The following AKR1C8 variants were observed in gnomAD, a reference collection of about 807,000 sequenced individuals.
The protein encoded by AKR1C8 is aldo-keto reductase family 1 member C8.
the AKR1C8 span, chr10:5,155,813 G>A: frequency 2.3e-6 from 1 of 437,744 alleles, no homozygotes; most frequent in Non-Finnish European, 4.7e-6. Flanking sequence ...GCTTCTACAT[G>A]GGAATACAAG....
the AKR1C8 span, among the ~76,000 whole-genome samples, chr10:5,139,049 T>A: frequency 3.3e-5 from 5 of 152,100 alleles, no homozygotes; most frequent in African/African-American, 4.8e-5. Context: ...TGAACTCCCA[T>A]TCACAATTGC....
the AKR1C8 span, among the ~76,000 whole-genome samples, chr10:5,167,746 T>G: frequency 9.9e-5 from 15 of 151,326 alleles, no homozygotes; most frequent in Admixed American, 9.2e-4. Context: ...AACCTGCACA[T>G]TGTGCACATG....
chr10:5,140,142 A>C, the AKR1C8 span, among the ~76,000 whole-genome samples: 1 of 152,198 alleles, frequency 6.6e-6, no homozygotes, highest in Non-Finnish European at 1.5e-5. Flanking sequence ...AAAAGTCAGG[A>C]AACAACAGAT....
the AKR1C8 span, among the ~76,000 whole-genome samples, chr10:5,151,405 T>C: frequency 6.6e-6 from 1 of 152,144 alleles, no homozygotes; most frequent in East Asian, 1.9e-4. Flanking sequence ...ACAAACTAAG[T>C]TCCCCCAAAA....
the AKR1C8 span, among the ~76,000 whole-genome samples, chr10:5,131,900 T>G: frequency 2.0e-5 from 3 of 152,154 alleles, no homozygotes; most frequent in Non-Finnish European, 4.4e-5. Flanking sequence ...TGTATAGCAG[T>G]GCAATTCACA....
the AKR1C8 span, chr10:5,132,802 T>C: frequency 3.2e-6 from 3 of 945,338 alleles, no homozygotes; most frequent in Non-Finnish European, 4.7e-6. Context: ...TATTTGGTGA[T>C]CAATGTGCTC....
the AKR1C8 span, among the ~76,000 whole-genome samples, chr10:5,170,677 G>A: frequency 0.061 from 9,295 of 152,112 alleles, 341 homozygotes; most frequent in Middle Eastern, 0.085. Context: ...GGACTCTGTA[G>A]ACAAAATATG....
At chr10:5,164,119 G>GT in the AKR1C8 span, among the ~76,000 whole-genome samples, 9 of 152,220 alleles carry the variant, frequency 5.9e-5, no homozygotes, top group African/African-American at 2.2e-4. Context: ...AAGGTCCTTG[G>GT]TCAAGCTTTT....
At chr10:5,158,640 C>G in the AKR1C8 span, 6 of 484,806 alleles carry the variant, frequency 1.2e-5, no homozygotes, top group Non-Finnish European at 2.6e-5. Context: ...CTGTAGGCAA[C>G]TAGAACAATG....
chr10:5,178,582 T>A, the AKR1C8 span, among the ~76,000 whole-genome samples: 1 of 152,222 alleles, frequency 6.6e-6, no homozygotes, highest in Non-Finnish European at 1.5e-5. Context: ...CAGTGGGGTG[T>A]TAAAGTCTCC....
At chr10:5,183,552 C>T in the AKR1C8 span, among the ~76,000 whole-genome samples, 1 of 152,040 alleles carries the variant, frequency 6.6e-6, no homozygotes, top group Non-Finnish European at 1.5e-5. Flanking sequence ...ATCTTTCTTC[C>T]AAAGATCATT....
At chr10:5,147,670 T>C in the AKR1C8 span, among the ~76,000 whole-genome samples, 6 of 152,256 alleles carry the variant, frequency 3.9e-5, no homozygotes, top group South Asian at 8.3e-4. Flanking sequence ...CCTGGGCACA[T>C]TGATGCAAAG....
At chr10:5,179,909 T>G in the AKR1C8 span, among the ~76,000 whole-genome samples, 1 of 152,208 alleles carries the variant, frequency 6.6e-6, no homozygotes, top group Non-Finnish European at 1.5e-5. Context: ...CTTCTTTGCC[T>G]TTGTTTTGAA....
At chr10:5,136,626 T>C in the AKR1C8 span, among the ~76,000 whole-genome samples, 4,806 of 152,316 alleles carry the variant, frequency 0.032, 259 homozygotes, top group African/African-American at 0.11. Context: ...TATCTTAATG[T>C]GCTTTGCTAT....
the AKR1C8 span, among the ~76,000 whole-genome samples, chr10:5,143,983 T>G: frequency 6.6e-6 from 1 of 152,152 alleles, no homozygotes; most frequent in Non-Finnish European, 1.5e-5. Context: ...GCATAAACTA[T>G]CCACATTACC....
chr10:5,176,502 C>A, the AKR1C8 span, among the ~76,000 whole-genome samples: 4 of 149,850 alleles, frequency 2.7e-5, no homozygotes, highest in Non-Finnish European at 5.9e-5. Context: ...TAGTTTTTTC[C>A]AATTCTGTGA....
At chr10:5,162,885 C>G in the AKR1C8 span, 1 of 534,496 alleles carries the variant, frequency 1.9e-6, no homozygotes, top group African/African-American at 1.9e-5. Context: ...TCTCTCTTGA[C>G]GGTACCATCA....
the AKR1C8 span, among the ~76,000 whole-genome samples, chr10:5,161,265 G>C: frequency 6.6e-6 from 1 of 152,182 alleles, no homozygotes; most frequent in Non-Finnish European, 1.5e-5. Flanking sequence ...GGAGGACAGT[G>C]CTTAATATAG....
chr10:5,174,392 ATAAAATGTCT>A, the AKR1C8 span, among the ~76,000 whole-genome samples: 4 of 152,052 alleles, frequency 2.6e-5, no homozygotes, highest in Non-Finnish European at 5.9e-5. Flanking sequence ...TCTTTACAAA[ATAAAATGTCT>A]TAAAAAGTAT....
Sources: allele counts gnomAD v4.1 joint callset (sites outside exome capture counted in the v4.1 genomes callset), GRCh38; gene constraint gnomAD v4.1.1; transcripts MANE v1.5; gene names NCBI Gene and HGNC (gene_info 2026-07-23, HGNC 2026-07-21).